The following SLC2A9 variants were observed in gnomAD, a reference collection of about 807,000 sequenced individuals.
SLC2A9 encodes solute carrier family 2 member 9, also known as solute carrier family 2, facilitated glucose transporter member 9.
A neutral mutation model predicts 50.6 loss-of-function variants in SLC2A9; 39 were observed. The observed-to-expected ratio is 0.77, with a 90% CI of 0.60 to 1.01. The LOEUF (loss-of-function observed/expected upper bound fraction) is 1.01. Ranked by LOEUF, SLC2A9 falls within the 50% of genes least tolerant of loss-of-function variation. SLC2A9 has a pLI of 0.00. For synonymous variants in SLC2A9, 324 were observed against 276.9 expected (o/e 1.17, Z -1.69); for missense variants, 686 against 677.6 (o/e 1.01, Z -0.14).
intron 5 of SLC2A9, among the ~76,000 whole-genome samples, chr4:9,946,871 C>T (rs1282874738): frequency 6.6e-6 from 1 of 152,152 alleles, no homozygotes; most frequent in African/African-American, 2.4e-5. Context: ...TGAGCAGAGT[C>T]CTATCCTAGA....
intron 5 of SLC2A9, among the ~76,000 whole-genome samples, chr4:9,949,861 G>A (rs1242598129): frequency 6.6e-6 from 1 of 152,124 alleles, no homozygotes; most frequent in Non-Finnish European, 1.5e-5. Flanking sequence ...CATTCCATAG[G>A]GTTGCTTTGT....
At chr4:9,791,885 T>C (rs1719959547) in intron 3 of SLC2A9, among the ~76,000 whole-genome samples, 1 of 152,234 alleles carries the variant, frequency 6.6e-6, no homozygotes, top group African/African-American at 2.4e-5. Context: ...CTTGCTGTTT[T>C]AAGCCGCTAA....
chr4:9,841,861 G>A (rs141792444), intron 10 of SLC2A9, among the ~76,000 whole-genome samples: 1 of 152,118 alleles, frequency 6.6e-6, no homozygotes, highest in South Asian at 2.1e-4. Flanking sequence ...TGGGGGGAAG[G>A]TATCTTCTTG....
intron 10 of SLC2A9, among the ~76,000 whole-genome samples, chr4:9,858,566 G>A (rs939193665): frequency 4.6e-5 from 7 of 152,130 alleles, no homozygotes; most frequent in African/African-American, 1.7e-4. Flanking sequence ...TTTTGAGAGT[G>A]TAAGGGGGGA....
intron 6 of SLC2A9, among the ~76,000 whole-genome samples, chr4:9,933,863 T>A (rs118155776): frequency 1.3e-5 from 2 of 152,196 alleles, no homozygotes; most frequent in East Asian, 1.9e-4. Context: ...CATTCCTCCA[T>A]CTTCAATGCC....
intron 5 of SLC2A9, among the ~76,000 whole-genome samples, chr4:9,979,915 T>C (rs1390227118): frequency 6.6e-6 from 1 of 152,126 alleles, no homozygotes; most frequent in Non-Finnish European, 1.5e-5. Flanking sequence ...ATATCCTCTG[T>C]CCCAATCCCC....
downstream of SLC2A9, among the ~76,000 whole-genome samples, chr4:9,795,404 T>C (rs1462198937): frequency 3.9e-5 from 6 of 152,226 alleles, no homozygotes; most frequent in South Asian, 2.1e-4. Context: ...TAGGTGAAAG[T>C]TAAAACCTCA....
intron 10 of SLC2A9, among the ~76,000 whole-genome samples, chr4:9,873,406 C>A (rs1733770836): frequency 6.6e-6 from 1 of 152,214 alleles, no homozygotes; most frequent in Non-Finnish European, 1.5e-5. Context: ...TCTTTGCAGC[C>A]CCTCCAATGG....
At chr4:9,874,530 AGT>A (rs1298381417) in intron 10 of SLC2A9, among the ~76,000 whole-genome samples, 1 of 152,218 alleles carries the variant, frequency 6.6e-6, no homozygotes, top group East Asian at 1.9e-4. Flanking sequence ...GGCCTCTGAG[AGT>A]GGGCTAGAAA....
Position 9,816,591 on chromosome 4 carries a change from A to G in SLC2A9, n.420+9829T>C, listed in dbSNP as rs867882522. On this transcript the variant is annotated intron_variant and non_coding_transcript_variant, in intron 3 of 3. Coordinates refer to the SLC2A9 transcript ENST00000503280. ...TACATGAGGTGATGATATGTTAATT[A>G]GCTTGATTGTGGTGATGGTTTCATA... is the stretch of plus-strand genomic sequence containing the variant. Among the ~76,000 whole-genome samples the G allele has an allele frequency of 1.6e-3, 242 of 152,338 alleles. 1 individual carries two copies. Among genetic ancestry groups the G allele is most frequent in the African/African-American group, 5.7e-3 (238 of 41,584 alleles).
intron 3 of SLC2A9, among the ~76,000 whole-genome samples, chr4:9,793,949 A>G (rs1395712770): frequency 6.6e-6 from 1 of 152,174 alleles, no homozygotes; most frequent in Non-Finnish European, 1.5e-5. Flanking sequence ...TGAACATCAG[A>G]CCAGGAAGAA....
At chr4:10,037,537 A>G (rs1204445275) in intron 1 of SLC2A9, among the ~76,000 whole-genome samples, 3 of 152,220 alleles carry the variant, frequency 2.0e-5, no homozygotes, top group African/African-American at 7.2e-5. Flanking sequence ...GGGAATCAAA[A>G]TTAAAGAGAA....
intron 5 of SLC2A9, among the ~76,000 whole-genome samples, chr4:9,960,569 T>C (rs1241076617): frequency 6.6e-6 from 1 of 152,228 alleles, no homozygotes; most frequent in Non-Finnish European, 1.5e-5. Flanking sequence ...ACCCACAGCA[T>C]GTGAAAATTC....
chr4:9,920,703 C>G, intron 6 of SLC2A9, 131 bp from the exon 7 acceptor site: 2 of 1,022,296 alleles, frequency 2.0e-6, no homozygotes, highest in South Asian at 2.8e-5. Flanking sequence ...TGGCAGGGGC[C>G]TTTGAAACTA....
chr4:9,883,620 G>A (rs1324019551), intron 10 of SLC2A9, among the ~76,000 whole-genome samples: 1 of 152,212 alleles, frequency 6.6e-6, no homozygotes, highest in East Asian at 1.9e-4. Flanking sequence ...CTGAGCAAGT[G>A]CGGCAAGGAC....
At position 9,806,290 on chromosome 4, in the gene SLC2A9, C is replaced by T. The variant is rs571090115; in HGVS notation, n.421-7049G>A. Among the ~76,000 whole-genome samples, 8 of 152,342 alleles carry T rather than the reference C, an allele frequency of 5.3e-5. No homozygotes were observed. In the East Asian group the frequency reaches 1.2e-3, roughly 22 times the overall value. On this transcript the variant is annotated intron_variant and non_coding_transcript_variant, in intron 3 of 3. Transcript: ENST00000503280. ...GAACACTTGGTCCACGCAGGGAAAA[C>T]CGCTTAAGGCGTTCTTAAACAACAA...
intron 3 of SLC2A9, among the ~76,000 whole-genome samples, chr4:9,808,616 T>G (rs1043415178): frequency 6.6e-6 from 1 of 152,208 alleles, no homozygotes; most frequent in African/African-American, 2.4e-5. Context: ...GGTTCCACAT[T>G]TAAAAGAGAG....
chr4:9,931,910 A>T (rs1745994624), intron 6 of SLC2A9, among the ~76,000 whole-genome samples: 1 of 62,766 alleles, frequency 1.6e-5, no homozygotes, highest in African/African-American at 7.1e-5. Flanking sequence ...TGAAATGAGA[A>T]TGACTCTCTC....
intron 1 of SLC2A9, among the ~76,000 whole-genome samples, chr4:10,033,456 C>G (rs1450209569): frequency 6.6e-6 from 1 of 152,166 alleles, no homozygotes; most frequent in Non-Finnish European, 1.5e-5. Context: ...TCAGTCTTGC[C>G]TTTTCCAAGA....
Sources: allele counts gnomAD v4.1 joint callset (sites outside exome capture counted in the v4.1 genomes callset), GRCh38; gene constraint gnomAD v4.1.1; transcripts MANE v1.5; gene names NCBI Gene and HGNC (gene_info 2026-07-23, HGNC 2026-07-21).